AFG2A: variants seen among roughly 807,000 people sequenced by gnomAD.
AFG2A encodes the protein AAA ATPase AFG2A, also known as ATPase family gene 2 protein homolog A.
chr4:122,930,726 T>C, the AFG2A span, among the ~76,000 whole-genome samples: 1 of 152,330 alleles, frequency 6.6e-6, no homozygotes, highest in East Asian at 1.9e-4. Flanking sequence ...TAAACTGGAT[T>C]ATTCCTCAGA....
chr4:123,142,542 C>T, the AFG2A span, among the ~76,000 whole-genome samples: 6 of 151,870 alleles, frequency 4.0e-5, no homozygotes, highest in Non-Finnish European at 7.4e-5. Flanking sequence ...GTCATATTTC[C>T]AAGGAATCTA....
the AFG2A span, among the ~76,000 whole-genome samples, chr4:123,135,529 G>T: frequency 6.6e-6 from 1 of 152,156 alleles, no homozygotes; most frequent in Non-Finnish European, 1.5e-5. Context: ...TGTGGGTTCT[G>T]CATCTTTGGA....
the AFG2A span, among the ~76,000 whole-genome samples, chr4:122,950,851 A>G: frequency 6.8e-4 from 104 of 152,288 alleles, 1 homozygote; most frequent in East Asian, 0.02. Context: ...TCTTTCTGGT[A>G]TCAGGTGGCA....
the AFG2A span, among the ~76,000 whole-genome samples, chr4:122,959,124 G>A: frequency 1.3e-5 from 2 of 152,296 alleles, no homozygotes; most frequent in African/African-American, 4.8e-5. Flanking sequence ...TCCAAGAACT[G>A]TACTTTGAGA....
the AFG2A span, among the ~76,000 whole-genome samples, chr4:122,976,911 T>C: frequency 6.6e-6 from 1 of 152,242 alleles, no homozygotes; most frequent in Non-Finnish European, 1.5e-5. Context: ...GATGTTGTTT[T>C]GTAAATTCTA....
At chr4:122,966,741 T>C in the AFG2A span, among the ~76,000 whole-genome samples, 7 of 152,228 alleles carry the variant, frequency 4.6e-5, no homozygotes, top group African/African-American at 1.7e-4. Context: ...CACTTTGTTC[T>C]TTCCATGTCA....
At chr4:122,944,874 G>T in the AFG2A span, among the ~76,000 whole-genome samples, 1 of 152,186 alleles carries the variant, frequency 6.6e-6, no homozygotes, top group Non-Finnish European at 1.5e-5. Flanking sequence ...CTCAGCTGCA[G>T]GTCTGTTGGA....
the AFG2A span, chr4:123,028,394 A>AG: frequency 3.7e-6 from 6 of 1,614,012 alleles, no homozygotes; most frequent in Non-Finnish European, 5.1e-6. Flanking sequence ...CTAGCTATAA[A>AG]GGTAGGGTGT....
At chr4:123,244,128 A>G in the AFG2A span, among the ~76,000 whole-genome samples, 1 of 152,168 alleles carries the variant, frequency 6.6e-6, no homozygotes, top group African/African-American at 2.4e-5. Flanking sequence ...ATTATCAGAC[A>G]AGGTACCAGA....
At chr4:123,225,471 C>G in the AFG2A span, among the ~76,000 whole-genome samples, 1 of 152,184 alleles carries the variant, frequency 6.6e-6, no homozygotes, top group Non-Finnish European at 1.5e-5. Context: ...CTAAGGAATC[C>G]TTTCCCCATT....
At chr4:122,997,471 T>G in the AFG2A span, among the ~76,000 whole-genome samples, 4 of 152,220 alleles carry the variant, frequency 2.6e-5, no homozygotes, top group African/African-American at 9.6e-5. Flanking sequence ...GTATCAGTAT[T>G]TAATTTTTTT....
chr4:123,012,531 C>T, the AFG2A span, among the ~76,000 whole-genome samples: 401 of 152,138 alleles, frequency 2.6e-3, 9 homozygotes, highest in East Asian at 0.022. Flanking sequence ...GGCGTCCCTG[C>T]GGTGATCAGA....
At chr4:122,994,924 T>C in the AFG2A span, among the ~76,000 whole-genome samples, 1 of 152,264 alleles carries the variant, frequency 6.6e-6, no homozygotes, top group African/African-American at 2.4e-5. Context: ...TCACTAATTA[T>C]ATATTTAAAA....
chr4:123,196,141 C>T, the AFG2A span, among the ~76,000 whole-genome samples: 1 of 149,832 alleles, frequency 6.7e-6, no homozygotes, highest in Admixed American at 6.7e-5. Flanking sequence ...GCTGGGACTA[C>T]AGGCGCCCAC....
chr4:123,262,568 T>C, the AFG2A span, among the ~76,000 whole-genome samples: 1 of 152,222 alleles, frequency 6.6e-6, no homozygotes, highest in Non-Finnish European at 1.5e-5. Context: ...AGTTTGTCAA[T>C]TCCTGTGAAT....
At chr4:123,054,865 A>T in the AFG2A span, among the ~76,000 whole-genome samples, 1 of 152,010 alleles carries the variant, frequency 6.6e-6, no homozygotes, top group Non-Finnish European at 1.5e-5. Context: ...CCTTTGCCTT[A>T]AACTTGTTCC....
At chr4:123,256,977 A>G in the AFG2A span, 1 of 420,908 alleles carries the variant, frequency 2.4e-6, no homozygotes, top group East Asian at 1.6e-4. Flanking sequence ...TTTTAATGGG[A>G]GATTAATATT....
At chr4:122,987,117 A>G in the AFG2A span, among the ~76,000 whole-genome samples, 2 of 152,088 alleles carry the variant, frequency 1.3e-5, no homozygotes, top group African/African-American at 4.8e-5. Flanking sequence ...ATTTTGTCTA[A>G]TATAAGTATA....
At chr4:122,964,818 C>G in the AFG2A span, among the ~76,000 whole-genome samples, 1 of 152,094 alleles carries the variant, frequency 6.6e-6, no homozygotes, top group Non-Finnish European at 1.5e-5. Context: ...CTACAATAAC[C>G]TTTAAGGATA....
Sources: allele counts gnomAD v4.1 joint callset (sites outside exome capture counted in the v4.1 genomes callset), GRCh38; gene constraint gnomAD v4.1.1; transcripts MANE v1.5; gene names NCBI Gene and HGNC (gene_info 2026-07-23, HGNC 2026-07-21).